CALCOCO1: variants seen among roughly 807,000 people sequenced by gnomAD.
CALCOCO1 encodes the protein calcium binding and coiled-coil domain 1, also known as calcium-binding and coiled-coil domain-containing protein 1.
Under a neutral mutation model 86.3 loss-of-function variants are expected in CALCOCO1, and 44 were observed. The ratio of observed to expected loss-of-function variants is 0.51; its 90% CI spans 0.40 to 0.66. The LOEUF is 0.66. Ranked by LOEUF, CALCOCO1 falls within the 30% of genes least tolerant of loss-of-function variation. The pLI is 0.00. For missense variants in CALCOCO1, 708 were observed against 851.1 expected (o/e 0.83, Z 2.09); for synonymous variants, 297 against 327.6 (o/e 0.91, Z 1.01).
intron 6 of CALCOCO1, 124 bp downstream of exon 6, chr12:53,721,343 G>A: frequency 2.4e-6 from 2 of 840,022 alleles, no homozygotes; most frequent in South Asian, 1.9e-5. Flanking sequence ...TAGCTTGAGT[G>A]AGGGTGAGAG....
At chr12:53,721,876 C>T (rs1337916456) in intron 5 of CALCOCO1, 149 bp downstream of exon 5, 2 of 913,206 alleles carry the variant, frequency 2.2e-6, no homozygotes, top group African/African-American at 3.3e-5. Flanking sequence ...CAAGTTTAAT[C>T]CCAGCCACTA....
Position 53,715,634 on chromosome 12 carries a change from GA to G in CALCOCO1, c.1260+158del. ...CCCGGTTAGGGATGGGTCATGCCTA[GA>G]AAGTAAAGTGTACCTCCCTCAAAGC... On this transcript the variant is annotated intron_variant, in intron 9 of 14. Transcript: ENST00000550804. The G allele has an allele frequency of 7.1e-6, 7 of 980,680 alleles. No homozygotes were observed. In the South Asian group the frequency reaches 1.2e-4, roughly 16 times the overall value. 60.7% of individuals were successfully genotyped at this position (980,680 alleles called of 1,614,324 possible).
chr12:53,719,665 G>T, intron 7 of CALCOCO1, 74 bp downstream of exon 7: 2 of 967,490 alleles, frequency 2.1e-6, no homozygotes, highest in Non-Finnish European at 3.3e-6. Flanking sequence ...TATTCCCTTT[G>T]GTGTCTGGCT....
At chr12:53,716,150 GTGT>G (rs927772632) in intron 8 of CALCOCO1, 103 bp from the exon 9 acceptor site, 6 of 1,578,362 alleles carry the variant, frequency 3.8e-6, no homozygotes, top group Non-Finnish European at 5.2e-6. Context: ...ACTCGGGGTT[GTGT>G]TGTTTAGTCT....
chr12:53,713,758 C>G lies in CALCOCO1; in HGVS notation c.1734G>C (p.Gln578His). Residue 578 changes from glutamine (Q) to histidine (H), a missense_variant, in exon 13 of 15, where the codon CAG becomes CAC. Physicochemically the swap from Gln to His is conservative, Grantham distance 24. Transcript: ENST00000550804. ...REASPLVVIS[Q>H]PAPISPHLSG... ...AGAGGTGAGGAGAAATGGGAGCCGG[C>G]TGGCTGATGACAACAAGGGGAGAAG... 6.2e-7 allele frequency: 1 copy of G among 1,606,362 alleles called. No individual in the cohort carries two copies.
At chr12:53,727,223 C>T (rs1447841154) in intron 1 of CALCOCO1, among the ~76,000 whole-genome samples, 181 bp downstream of exon 1, 1 of 152,146 alleles carries the variant, frequency 6.6e-6, no homozygotes, top group African/African-American at 2.4e-5. Flanking sequence ...CAATCAGAGT[C>T]CCCTTGAAAC....
chr12:53,726,059 A>G (rs1025900760), intron 1 of CALCOCO1: 2 of 152,050 alleles, frequency 1.3e-5, no homozygotes, highest in African/African-American at 4.8e-5. Flanking sequence ...GGGTGGGGAG[A>G]TGGAATGTGG....
intron 9 of CALCOCO1, 62 bp downstream of exon 9, chr12:53,715,731 G>T (rs1373171598): frequency 6.3e-7 from 1 of 1,582,296 alleles, no homozygotes; most frequent in Non-Finnish European, 8.6e-7. Context: ...ACCACATGTA[G>T]GAGTCCCCAC....
At position 53,708,952 on chromosome 12, in the gene CALCOCO1, A is replaced by C. The variant is rs1945505694; in HGVS notation, c.*2992T>G. 6.6e-6 allele frequency: 1 copy of C among 152,248 alleles called. No individual in the cohort carries two copies. The highest frequency in any genetic ancestry group is 2.1e-4 in the South Asian group (1 of 4,832). 9.4% of individuals were successfully genotyped at this position (152,248 alleles called of 1,614,324 possible). On this transcript the variant is annotated 3_prime_UTR_variant, in exon 15 of 15. Transcript: ENST00000550804. The stretch of plus-strand genomic sequence containing the variant: ...ATGGGAAATGGAAGGGCAAGTTGGG[A>C]CAGATGGTGAAGACCCTGACTGGCA...
rs12314668 is a variant in CALCOCO1 at position 53,709,796 on chromosome 12, T to C, written c.*2148A>G. 5 of 152,318 alleles carry C rather than the reference T, an allele frequency of 3.3e-5. No homozygotes were observed. The highest frequency in any genetic ancestry group is 1.2e-4 in the African/African-American group (5 of 41,544). 9.4% of individuals were successfully genotyped at this position (152,318 alleles called of 1,614,324 possible). On this transcript the variant is annotated 3_prime_UTR_variant, in exon 15 of 15. Transcript: ENST00000550804. ...GGGAGCAGGGGCCTGGGTTCCTGTTTGTCTACTATTCTCCTTTTTTGCACA... is the reference window on the plus strand; with the variant it reads ...GGGAGCAGGGGCCTGGGTTCCTGTTCGTCTACTATTCTCCTTTTTTGCACA...
chr12:53,718,055 T>C (rs1945774009), intron 7 of CALCOCO1, among the ~76,000 whole-genome samples: 1 of 152,058 alleles, frequency 6.6e-6, no homozygotes, highest in South Asian at 2.1e-4. Context: ...ATAAAACCCA[T>C]AAAATCACAA....
chr12:53,727,049 C>T (rs567217823), intron 1 of CALCOCO1, among the ~76,000 whole-genome samples: 43 of 152,188 alleles, frequency 2.8e-4, no homozygotes, highest in African/African-American at 1.0e-3. Context: ...AGGGATTCAG[C>T]GTCGTAAAGG....
At chr12:53,712,545 C>T (rs1945592416) in intron 14 of CALCOCO1, 2 of 230,936 alleles carry the variant, frequency 8.7e-6, no homozygotes, top group African/African-American at 4.6e-5. Flanking sequence ...CTTCCCTGTG[C>T]CTGCCCCCTT....
intron 1 of CALCOCO1, 106 bp downstream of exon 1, chr12:53,727,298 C>CTGTATTCCCCTTCGACAGTTCCCTTACG (rs1235116576): frequency 6.6e-6 from 1 of 152,388 alleles, no homozygotes; most frequent in East Asian, 1.9e-4. Context: ...CCAAACGCTC[C>CTGTATTCCCCTTCGACAGTTCCCTTACG]TGTATTCCCC....
Position 53,723,714 on chromosome 12 carries a change from C to G in CALCOCO1, c.329G>C (p.Cys110Ser). 6.2e-7 allele frequency: 1 copy of G among 1,614,220 alleles called. No homozygotes were observed. The highest frequency in any genetic ancestry group is 8.5e-7 in the Non-Finnish European group (1 of 1,180,038). ...GAACTGGAAAGGGGGGCTCTGCCCA[C>G]ACACCTGGCCCTGGCGGTTCACATA... ...FRYVNRQGQV[C>S]GQSPPFQFRE... Residue 110 changes from cysteine (C) to serine (S), a missense_variant, in exon 4 of 15, where the codon TGT becomes TCT. By Grantham distance (112) the Cys-to-Ser change is moderately radical (BLOSUM62 -1). Transcript: ENST00000550804.
At chr12:53,721,063 A>G (rs1411651662) in intron 6 of CALCOCO1, among the ~76,000 whole-genome samples, 1 of 152,242 alleles carries the variant, frequency 6.6e-6, no homozygotes, top group Non-Finnish European at 1.5e-5. Context: ...CAGAGATTCC[A>G]TAACATTCCT....
intron 4 of CALCOCO1, chr12:53,722,774 C>T: frequency 3.1e-6 from 1 of 321,996 alleles, no homozygotes; most frequent in Non-Finnish European, 6.1e-6. Context: ...AGCTTCTTAA[C>T]TTCTCTAAGT....
Position 53,711,911 on chromosome 12 carries a change from A to AGT in CALCOCO1, c.*31_*32dup. The AGT allele has an allele frequency of 6.6e-7, 1 of 1,514,378 alleles. No individual in the cohort carries two copies. 93.8% of individuals were successfully genotyped at this position (1,514,378 alleles called of 1,614,324 possible). On this transcript the variant is annotated 3_prime_UTR_variant, in exon 15 of 15. Transcript: ENST00000550804. ...ATGTGTGTGAGTGTGTGTGTGCATGAGTGTGTATTTGTGCATGTACGAGGG... is the reference window on the plus strand; with the variant it reads ...ATGTGTGTGAGTGTGTGTGTGCATGAGTGTGTGTATTTGTGCATGTACGAGGG...
At chr12:53,715,066 C>T (rs1026009289) in intron 10 of CALCOCO1, 134 bp downstream of exon 10, 89 of 1,070,812 alleles carry the variant, frequency 8.3e-5, no homozygotes, top group Non-Finnish European at 1.0e-4. Flanking sequence ...TGAGGGCTTG[C>T]GTGTGCAAGT....
Sources: allele counts gnomAD v4.1 joint callset (sites outside exome capture counted in the v4.1 genomes callset), GRCh38; gene constraint gnomAD v4.1.1; transcripts MANE v1.5; gene names NCBI Gene and HGNC (gene_info 2026-07-23, HGNC 2026-07-21).